Variants in TBC1D9B observed in about 807,000 individuals in gnomAD.
TBC1D9B encodes the protein TBC1 domain family member 9B, also known as TBC1 domain family, member 9B (with GRAM domain).
Under a neutral mutation model 121.1 loss-of-function variants are expected in TBC1D9B, and 87 were observed. The observed-to-expected ratio is 0.72, with a 90% CI of 0.60 to 0.86. The LOEUF is 0.86. TBC1D9B is among the 40% of genes least tolerant of loss of function. The pLI is 0.00. For missense variants in TBC1D9B, 1,540 were observed against 1,628.6 expected (o/e 0.95, Z 0.94); for synonymous variants, 668 against 670.1 (o/e 1.00, Z 0.05).
chr5:179,872,955 C>G lies in TBC1D9B; in HGVS notation c.2352G>C (p.Gln784His). The G allele has an allele frequency of 6.2e-7, 1 of 1,611,402 alleles. No individual in the cohort carries two copies. The highest frequency in any genetic ancestry group is 8.5e-7 in the Non-Finnish European group (1 of 1,178,780). ...FSSLRAEDIE[Q>H]MRFKQRLKVI... ...CTTTCAGCCTCTGTTTAAACCGCAT[C>G]TGCTCAATGTCTTCGGCCCTCAGGC... The change falls in exon 14 of 21, where the codon CAG becomes CAC. Residue 784 changes from glutamine (Q) to histidine (H), a missense_variant. Physicochemically the swap from Gln to His is conservative, Grantham distance 24. Transcript: ENST00000355235.
rs185886955 is a variant in TBC1D9B, at chr5:179,877,435, G to C, written c.1782+874C>G. Among the ~76,000 whole-genome samples the C allele has an allele frequency of 8.5e-4, 130 of 152,176 alleles. 1 individual carries two copies. Among genetic ancestry groups the C allele is most frequent in the African/African-American group, 3.0e-3 (125 of 41,524 alleles). On this transcript the variant is annotated intron_variant, in intron 10 of 20. Coordinates refer to ENST00000355235, the MANE Select transcript of TBC1D9B (RefSeq NM_015043.4). ...CCCAGCACTTTAAGAGGCCAAGGCA[G>C]GTGGATTACCTGATGTCAGGAGTTC...
rs1759877564 is a variant in TBC1D9B at position 179,862,610 on chromosome 5, C to G, written c.*838G>C. Reference sequence around the variant, plus strand: ...CTGACCTGGCAGACCTTGCACTCTTCCACCCACTGTGGAGGACTAAGTGTC... The same window carrying G: ...CTGACCTGGCAGACCTTGCACTCTTGCACCCACTGTGGAGGACTAAGTGTC... On this transcript the variant is annotated 3_prime_UTR_variant, in exon 21 of 21. Transcript: ENST00000355235. 2.2e-6 allele frequency: 1 copy of G among 456,430 alleles called. No homozygotes were observed. Among genetic ancestry groups the G allele is most frequent in the African/African-American group, 2.0e-5 (1 of 50,080 alleles). 28.3% of individuals were successfully genotyped at this position (456,430 alleles called of 1,614,324 possible).
chr5:179,871,350 A>G (rs183062132), intron 15 of TBC1D9B, 112 bp downstream of exon 15: 44 of 1,089,950 alleles, frequency 4.0e-5, no homozygotes, highest in African/African-American at 2.7e-4. Context: ...CTGTTTTTCT[A>G]TTCTATTCCC....
In TBC1D9B at chr5:179,904,650, G is replaced by T; in HGVS notation, c.229+52C>A. On this transcript the variant is annotated intron_variant, in intron 2 of 20. Transcript: ENST00000355235. This position sits in a 1 kb window ranked among gnomAD's most constrained non-coding sequence, Gnocchi z 4.2. Reference sequence around the variant, plus strand: ...TACACACCCCTTCCTCTCGGCAACGGCCCTTCCAGGGCAGGCCCTGCCCAG... The same window carrying T: ...TACACACCCCTTCCTCTCGGCAACGTCCCTTCCAGGGCAGGCCCTGCCCAG... The T allele has an allele frequency of 6.7e-7, 1 of 1,489,712 alleles. No homozygotes were observed. The highest frequency in any genetic ancestry group is 9.1e-7 in the Non-Finnish European group (1 of 1,094,778). The allele number at this position is 1,489,712 out of a possible 1,614,324, so 92.3% of individuals were successfully genotyped here.
intron 9 of TBC1D9B, 84 bp downstream of exon 9, chr5:179,878,963 G>A (rs772037525): frequency 2.3e-5 from 35 of 1,500,104 alleles, no homozygotes; most frequent in South Asian, 2.6e-5. Context: ...ACTCCAGGCC[G>A]GCTCAGGACA....
In TBC1D9B at chr5:179,873,177, C is replaced by T. The variant is rs780205844; in HGVS notation, c.2258G>A (p.Ser753Asn). 3.3e-5 allele frequency: 53 copies of T among 1,613,234 alleles called. No individual in the cohort carries two copies. Among genetic ancestry groups the T allele is most frequent in the Non-Finnish European group, 4.5e-5 (53 of 1,179,758 alleles). ...PIPHLRALLS[S>N]SDDPPAEVDI... is the part of the protein sequence containing the mutation. Reference sequence around the variant, plus strand: ...CACCTCTGCAGGGGGGTCATCGCTGCTGCTCAGCAAGGCACGGAGGTGCGG... The same window carrying T: ...CACCTCTGCAGGGGGGTCATCGCTGTTGCTCAGCAAGGCACGGAGGTGCGG... The change falls in exon 13 of 21, where the codon AGC (serine) becomes AAC (asparagine). Residue 753 changes from serine (S) to asparagine (N), a missense_variant. Transcript: ENST00000355235.
Position 179,891,601 on chromosome 5 carries a change from T to G in TBC1D9B, c.837-15A>C, listed in dbSNP as rs910496452. 134 of 1,609,820 alleles carry G rather than the reference T, an allele frequency of 8.3e-5. 1 individual carries two copies. The highest frequency in any genetic ancestry group is 6.1e-5 in the Non-Finnish European group (72 of 1,179,066). ...CGTCCAGGTCTCTGGGGAAACAAGG[T>G]AGGAGGACAGGAGGAAAGGGGACAA... is the stretch of plus-strand genomic sequence containing the variant. On this transcript the variant is annotated splice_polypyrimidine_tract_variant and intron_variant, in intron 5 of 20. Coordinates refer to ENST00000355235, the MANE Select transcript of TBC1D9B (RefSeq NM_015043.4). The surrounding 1 kb of genome is among the most constrained non-coding windows in gnomAD (Gnocchi z 4.3).
At chr5:179,872,851 C>A in intron 14 of TBC1D9B, 41 bp downstream of exon 14, 1 of 1,490,558 alleles carries the variant, frequency 6.7e-7, no homozygotes, top group East Asian at 2.3e-5. Context: ...CACTGCTGCC[C>A]CCCCAGCCCA....
Position 179,873,124 on chromosome 5 carries a change from A to G in TBC1D9B, c.2311T>C (p.Tyr771His), listed in dbSNP as rs1760252292. Reference sequence around the variant, plus strand: ...TGGCCCCACTGGGTGCTGACCTCATAGGACACTTTCAGGAGCTCAAAGATG... The same window carrying G: ...TGGCCCCACTGGGTGCTGACCTCATGGGACACTTTCAGGAGCTCAAAGATG... ...VDIFELLKVS[Y>H]EKFSSLRAED... The change falls in exon 13 of 21, where the codon TAT (tyrosine) becomes CAT (histidine). Residue 771 changes from tyrosine (Y) to histidine (H), a missense_variant. Tyr to His is a moderately conservative substitution (Grantham distance 83, BLOSUM62 2). Transcript: ENST00000355235. The G allele has an allele frequency of 1.2e-6, 2 of 1,611,364 alleles. No homozygotes were observed. The highest frequency in any genetic ancestry group is 2.7e-5 in the African/African-American group (2 of 75,058).
chr5:179,879,963 C>A, intron 7 of TBC1D9B, 174 bp from the exon 8 acceptor site: 2 of 721,354 alleles, frequency 2.8e-6, no homozygotes, highest in Non-Finnish European at 4.5e-6. Flanking sequence ...TGCAGCTCAG[C>A]CCTCAGCTCC....
intron 18 of TBC1D9B, chr5:179,866,677 C>T (rs981673605): frequency 6.6e-6 from 1 of 152,358 alleles, no homozygotes; most frequent in African/African-American, 2.4e-5. Context: ...GCGGGACAAG[C>T]CTAGAGTGGC....
At chr5:179,871,599 TGA>T in intron 14 of TBC1D9B, 69 bp from the exon 15 acceptor site, 1 of 1,539,682 alleles carries the variant, frequency 6.5e-7, no homozygotes, top group Non-Finnish European at 8.9e-7. Flanking sequence ...CGGCACTCTG[TGA>T]GAGCATCCTC....
chr5:179,870,148 C>T, intron 16 of TBC1D9B, 107 bp downstream of exon 16: 9 of 1,534,512 alleles, frequency 5.9e-6, no homozygotes, highest in Non-Finnish European at 7.9e-6. Flanking sequence ...GCTCAAGCTG[C>T]CCCCTACTTG....
chr5:179,872,745 C>T (rs933256839), intron 14 of TBC1D9B, 147 bp downstream of exon 14: 24 of 723,790 alleles, frequency 3.3e-5, no homozygotes, highest in Non-Finnish European at 6.8e-6. Flanking sequence ...ACCCCTGGAT[C>T]CCGGTCCCAT....
At chr5:179,893,540 CCAGA>C (rs2113639441) in intron 4 of TBC1D9B, 73 bp from the exon 5 acceptor site, 3 of 1,522,164 alleles carry the variant, frequency 2.0e-6, no homozygotes, top group Middle Eastern at 2.0e-4. Flanking sequence ...CATCTGTACC[CCAGA>C]CCCATCCCAG....
chr5:179,895,138 G>A (rs1398800269), intron 3 of TBC1D9B, among the ~76,000 whole-genome samples: 1 of 152,192 alleles, frequency 6.6e-6, no homozygotes, highest in Admixed American at 6.5e-5. Context: ...TGGGATTACA[G>A]GTGTGAACCA....
At chr5:179,901,792 G>A (rs1040467280) in intron 2 of TBC1D9B, among the ~76,000 whole-genome samples, 1 of 152,168 alleles carries the variant, frequency 6.6e-6, no homozygotes, top group African/African-American at 2.4e-5. Flanking sequence ...TTTTACATAT[G>A]TGCATTAAAA....
rs1760053314 is a variant in TBC1D9B at position 179,867,600 on chromosome 5, G to A, written c.2863+178C>T. On this transcript the variant is annotated intron_variant, in intron 18 of 20. Coordinates refer to ENST00000355235, the MANE Select transcript of TBC1D9B (RefSeq NM_015043.4). ...ACAGGAGTGAGGACATCCACAGGGG[G>A]CGGCCCCAGCCCCCGCCAGCATGGC... The A allele has an allele frequency of 3.3e-6, 5 of 1,498,424 alleles. No homozygotes were observed. The East Asian group carries it at 9.8e-5, about 29-fold the overall frequency. The allele number at this position is 1,498,424 out of a possible 1,614,324, so 92.8% of individuals were successfully genotyped here. A position where few individuals can be genotyped will look rare whatever the true frequency, so the allele number is the denominator to read the frequency against.
intron 3 of TBC1D9B, among the ~76,000 whole-genome samples, chr5:179,897,960 G>C (rs1761062991): frequency 6.6e-6 from 1 of 152,160 alleles, no homozygotes; most frequent in Non-Finnish European, 1.5e-5. Flanking sequence ...ACACGACTTT[G>C]ACCTGGTAAG....
Sources: gnomAD v4.1 joint callset for allele counts (sites outside exome capture counted in the v4.1 genomes callset) on GRCh38, gnomAD v4.1.1 for gene constraint, Gnocchi (gnomAD v3.1) non-coding constraint, MANE v1.5 for transcripts, NCBI Gene and HGNC (gene_info 2026-07-23, HGNC 2026-07-21) for gene names.